Variants in KIT observed in about 807,000 individuals in gnomAD.
The protein encoded by KIT is KIT proto-oncogene, receptor tyrosine kinase.
KIT carries 16 observed loss-of-function variants against 105.7 expected under a neutral mutation model. The ratio of observed to expected loss-of-function variants is 0.15; its 90% CI spans 0.10 to 0.23. The LOEUF is 0.23. Among genes scored for constraint, KIT ranks in the 10% least tolerant of loss-of-function variants. KIT has a pLI of 1.00. For synonymous variants in KIT, 438 were observed against 441.1 expected (o/e 0.99, Z 0.09); for missense variants, 858 against 1,213.8 (o/e 0.71, Z 4.36).
intron 9 of KIT, 46 bp from the exon 10 acceptor site, chr4:54,727,172 C>G (rs2109773279): frequency 6.5e-7 from 1 of 1,539,380 alleles, no homozygotes; most frequent in Non-Finnish European, 9.0e-7. Flanking sequence ...TGGTAGAGAT[C>G]CCATCCTGCC....
chr4:54,671,368 G>A lies in KIT; in HGVS notation c.67+13287G>A, dbSNP rs1206510715. Among the ~76,000 whole-genome samples the A allele has an allele frequency of 5.3e-5, 8 of 152,238 alleles. No individual in the cohort carries two copies. The East Asian group carries it at 5.8e-4, about 11-fold the overall frequency. ...TGGGGATAAAAGTGGTACCCTCTTG[G>A]AATATGGGCAGGAAGGCATCCCTAG... On this transcript the variant is annotated intron_variant, in intron 1 of 20. Transcript: ENST00000288135.
In KIT at chr4:54,666,480, A is replaced by C. The variant is rs533319140; in HGVS notation, c.67+8399A>C. Among the ~76,000 whole-genome samples, 3 of 152,138 alleles carry C rather than the reference A, an allele frequency of 2.0e-5. No homozygotes were observed. The East Asian group carries it at 5.8e-4, about 29-fold the overall frequency. On this transcript the variant is annotated intron_variant, in intron 1 of 20. Coordinates refer to ENST00000288135, the MANE Select transcript of KIT (RefSeq NM_000222.3). ...TTTTTAGTAGAGACGGGGTTTCACC[A>C]TGTTGGCCAGGATGGTCTTGATCTC... is the stretch of plus-strand genomic sequence containing the variant.
intron 7 of KIT, among the ~76,000 whole-genome samples, chr4:54,716,860 C>T (rs1314324424): frequency 2.0e-5 from 3 of 152,244 alleles, no homozygotes; most frequent in East Asian, 3.9e-4. Context: ...CTTCAACATA[C>T]GATATGGCAG....
intron 5 of KIT, among the ~76,000 whole-genome samples, chr4:54,706,559 T>C (rs964150055): frequency 3.9e-5 from 6 of 152,156 alleles, no homozygotes; most frequent in Non-Finnish European, 5.9e-5. Flanking sequence ...AGAAATTTCA[T>C]AGGAGTCAAT....
chr4:54,661,829 T>C (rs1201139028), intron 1 of KIT, among the ~76,000 whole-genome samples: 1 of 152,108 alleles, frequency 6.6e-6, no homozygotes, highest in Non-Finnish European at 1.5e-5. Context: ...TAGAGAGGAA[T>C]TGAGTTGAGT....
At chr4:54,661,140 C>G (rs1412274640) in intron 1 of KIT, among the ~76,000 whole-genome samples, 2 of 152,126 alleles carry the variant, frequency 1.3e-5, no homozygotes, top group African/African-American at 4.8e-5. Flanking sequence ...AATCCATCTC[C>G]CACTCCAAAA....
intron 7 of KIT, among the ~76,000 whole-genome samples, chr4:54,716,166 G>A (rs1464573434): frequency 6.6e-6 from 1 of 152,140 alleles, no homozygotes; most frequent in Non-Finnish European, 1.5e-5. Context: ...CCATTAGGTG[G>A]ATACTATTAG....
intron 1 of KIT, among the ~76,000 whole-genome samples, chr4:54,678,118 A>G (rs1718614776): frequency 6.6e-6 from 1 of 152,254 alleles, no homozygotes; most frequent in Non-Finnish European, 1.5e-5. Flanking sequence ...GGGAAAAATT[A>G]TAAACACAAT....
chr4:54,709,011 G>T (rs1720970292), intron 6 of KIT, among the ~76,000 whole-genome samples: 1 of 152,108 alleles, frequency 6.6e-6, no homozygotes, highest in Non-Finnish European at 1.5e-5. Context: ...GAGTGTCTGT[G>T]TGAGGGCAGT....
chr4:54,705,603 T>C (rs1720734194), intron 5 of KIT, among the ~76,000 whole-genome samples: 1 of 152,092 alleles, frequency 6.6e-6, no homozygotes, highest in African/African-American at 2.4e-5. Flanking sequence ...TTTTACCTGG[T>C]TTTGAATTGG....
At chr4:54,669,063 T>G (rs573437885) in intron 1 of KIT, among the ~76,000 whole-genome samples, 5 of 152,338 alleles carry the variant, frequency 3.3e-5, no homozygotes, top group African/African-American at 1.2e-4. Flanking sequence ...ATTCTTAACC[T>G]AAAATATGTT....
At position 54,658,036 on chromosome 4, in the gene KIT, T is replaced by G; in HGVS notation, c.22T>G (p.Trp8Gly). MRGARGA[W>G]DFLCVLLLLL... ...CGCGATGAGAGGCGCTCGCGGCGCCTGGGATTTTCTCTGCGTTCTGCTCCT... is the reference window on the plus strand; with the variant it reads ...CGCGATGAGAGGCGCTCGCGGCGCCGGGGATTTTCTCTGCGTTCTGCTCCT... The change falls in exon 1 of 21, where the codon TGG (tryptophan) becomes GGG (glycine). Residue 8 changes from tryptophan to glycine, a missense_variant. Transcript: ENST00000288135. The G allele has an allele frequency of 6.2e-7, 1 of 1,613,512 alleles. No individual in the cohort carries two copies. The highest frequency in any genetic ancestry group is 2.2e-5 in the East Asian group (1 of 44,774).
In KIT at chr4:54,740,232, C is replaced by T. The variant is rs949146013; in HGVS notation, c.*1675C>T. The T allele has an allele frequency of 1.3e-5, 3 of 233,446 alleles. No homozygotes were observed. The highest frequency in any genetic ancestry group is 1.7e-5 in the Non-Finnish European group (2 of 117,992). 14.5% of individuals were successfully genotyped at this position (233,446 alleles called of 1,614,324 possible). A position where few individuals can be genotyped will look rare whatever the true frequency, so the allele number is the denominator to read the frequency against. On this transcript the variant is annotated 3_prime_UTR_variant, in exon 21 of 21. Transcript: ENST00000288135. Reference sequence around the variant, plus strand: ...TGCACTGGAGTTCTATGCTCTCGCACCTTTCCAAAGTTAACAGATTTTGGG... The same window carrying T: ...TGCACTGGAGTTCTATGCTCTCGCATCTTTCCAAAGTTAACAGATTTTGGG...
In KIT at chr4:54,737,211, C is replaced by T. The variant is rs2109813903; in HGVS notation, c.2733C>T (p.Pro911=). The T allele has an allele frequency of 6.2e-7, 1 of 1,613,832 alleles. No homozygotes were observed. Among genetic ancestry groups the T allele is most frequent in the Non-Finnish European group, 8.5e-7 (1 of 1,179,830 alleles). The change falls in exon 20 of 21, where the codon CCC becomes CCT. Residue 911 remains proline (P), a synonymous_variant. Transcript: ENST00000288135. The stretch of plus-strand genomic sequence containing the variant: ...TGAAGACTTGCTGGGATGCAGATCC[C>T]CTAAAAAGACCAACATTCAAGCAAA... The part of the protein sequence containing the change: ...DIMKTCWDAD[P]LKRPTFKQIV...
At chr4:54,734,122 A>T (rs1000732204) in intron 17 of KIT, among the ~76,000 whole-genome samples, 1 of 152,214 alleles carries the variant, frequency 6.6e-6, no homozygotes, top group East Asian at 1.9e-4. Context: ...GCTAGATATT[A>T]TCATCAGGAG....
At chr4:54,706,870 AAG>A (rs1720822715) in intron 5 of KIT, among the ~76,000 whole-genome samples, 1 of 152,222 alleles carries the variant, frequency 6.6e-6, no homozygotes, top group Non-Finnish European at 1.5e-5. Context: ...AGAATTGCTT[AAG>A]AGGCAGAGAT....
intron 1 of KIT, among the ~76,000 whole-genome samples, chr4:54,684,394 C>G (rs1719166472): frequency 6.6e-6 from 1 of 152,176 alleles, no homozygotes; most frequent in African/African-American, 2.4e-5. Flanking sequence ...GGCTTGAGCC[C>G]AAAATGGGCT....
rs745967881 is a variant in KIT at position 54,736,794 on chromosome 4, C to A, written c.2670C>A (p.Leu890=). 1.9e-6 allele frequency: 3 copies of A among 1,614,104 alleles called. No individual in the cohort carries two copies. Among genetic ancestry groups the A allele is most frequent in the Middle Eastern group, 1.6e-4 (1 of 6,062 alleles). ...TGATCAAGGAAGGCTTCCGGATGCTCAGCCCTGAACACGCACCTGCTGAAA... is the reference window on the plus strand; with the variant it reads ...TGATCAAGGAAGGCTTCCGGATGCTAAGCCCTGAACACGCACCTGCTGAAA... ...YKMIKEGFRM[L]SPEHAPAEMY... Residue 890 remains leucine (L), a synonymous_variant, in exon 19 of 21, where the codon CTC becomes CTA. Transcript: ENST00000288135.
At chr4:54,691,895 C>G (rs559310470) in intron 1 of KIT, among the ~76,000 whole-genome samples, 145 of 151,896 alleles carry the variant, frequency 9.5e-4, no homozygotes, top group Non-Finnish European at 1.8e-3. Flanking sequence ...ATGTGCTGCC[C>G]GAGAGGGGGA....
Sources: allele counts gnomAD v4.1 joint callset (sites outside exome capture counted in the v4.1 genomes callset), GRCh38; gene constraint gnomAD v4.1.1; transcripts MANE v1.5; gene names NCBI Gene and HGNC (gene_info 2026-07-23, HGNC 2026-07-21).